Variants in KIAA0825 observed in about 807,000 individuals in gnomAD.
KIAA0825 encodes the protein KIAA0825, also known as uncharacterized protein KIAA0825.
Under a neutral mutation model 147.6 loss-of-function variants are expected in KIAA0825, and 119 were observed. That is an observed-to-expected ratio of 0.81 (90% CI 0.69 to 0.94). The LOEUF is 0.94. KIAA0825 is among the 40% of genes least tolerant of loss of function. The pLI is 0.00. For synonymous variants in KIAA0825, 470 were observed against 518.1 expected, an observed-to-expected ratio of 0.91 and a Z score of 1.26; for missense variants, 1,381 against 1,472.7, an observed-to-expected ratio of 0.94 and a Z score of 1.02.
chr5:94,441,551 T>C (rs1252921488), intron 13 of KIAA0825, among the ~76,000 whole-genome samples: 1 of 152,098 alleles, frequency 6.6e-6, no homozygotes, highest in African/African-American at 2.4e-5. Context: ...GAGAGATAAC[T>C]GGGTTCATGA....
At chr5:94,303,444 C>G (rs1460462029) in intron 20 of KIAA0825, among the ~76,000 whole-genome samples, 1 of 151,884 alleles carries the variant, frequency 6.6e-6, no homozygotes, top group Non-Finnish European at 1.5e-5. Context: ...AAAAAATAAA[C>G]AAATTGCTAG....
At chr5:94,607,407 G>T (rs1041986907) in intron 1 of KIAA0825, among the ~76,000 whole-genome samples, 1 of 151,942 alleles carries the variant, frequency 6.6e-6, no homozygotes, top group Non-Finnish European at 1.5e-5. Context: ...TGGATCACCT[G>T]AGGTCAGGAG....
At chr5:94,528,153 A>C (rs1019183464) in intron 3 of KIAA0825, among the ~76,000 whole-genome samples, 5 of 152,186 alleles carry the variant, frequency 3.3e-5, no homozygotes, top group African/African-American at 4.8e-5. Context: ...TCAGGAAAAA[A>C]CACCCTTGAC....
chr5:94,185,409 A>AT (rs1770032472), intron 20 of KIAA0825, among the ~76,000 whole-genome samples: 1 of 152,218 alleles, frequency 6.6e-6, no homozygotes. Context: ...ATATGCATTG[A>AT]TTTAAGTGCT....
At chr5:94,196,182 T>A (rs1461547800) in intron 20 of KIAA0825, among the ~76,000 whole-genome samples, 1 of 152,166 alleles carries the variant, frequency 6.6e-6, no homozygotes, top group African/African-American at 2.4e-5. Flanking sequence ...GAATGAAGCT[T>A]CACTTGCCCA....
At chr5:94,422,153 A>T (rs1002932422) in intron 14 of KIAA0825, among the ~76,000 whole-genome samples, 2 of 152,184 alleles carry the variant, frequency 1.3e-5, no homozygotes, top group Non-Finnish European at 2.9e-5. Context: ...CAGAAGCAGG[A>T]AGGTCTCTTT....
chr5:94,363,739 G>A (rs543189138), intron 20 of KIAA0825, among the ~76,000 whole-genome samples: 116 of 151,914 alleles, frequency 7.6e-4, no homozygotes, highest in Non-Finnish European at 1.5e-3. Context: ...ATGGTGGCTC[G>A]TGCCTGTAGT....
At chr5:94,451,257 C>G (rs1351713536) in intron 13 of KIAA0825, among the ~76,000 whole-genome samples, 1 of 152,106 alleles carries the variant, frequency 6.6e-6, no homozygotes. Context: ...GTCTATTATG[C>G]CACTATTCCA....
intron 14 of KIAA0825, among the ~76,000 whole-genome samples, chr5:94,430,391 T>C (rs969671867): frequency 1.5e-4 from 23 of 152,154 alleles, no homozygotes; most frequent in African/African-American, 5.5e-4. Flanking sequence ...ATATTACTTC[T>C]TATTTCAAAA....
intron 20 of KIAA0825, among the ~76,000 whole-genome samples, chr5:94,225,202 T>C (rs1774050956): frequency 6.6e-6 from 1 of 152,102 alleles, no homozygotes; most frequent in Admixed American, 6.5e-5. Flanking sequence ...ACACAAGGAG[T>C]TCCATTACAT....
chr5:94,406,697 G>A (rs578017138), intron 15 of KIAA0825, among the ~76,000 whole-genome samples: 1 of 152,322 alleles, frequency 6.6e-6, no homozygotes, highest in African/African-American at 2.4e-5. Flanking sequence ...AAAACAGTGA[G>A]CTTTGTGGCA....
At chr5:94,599,331 G>GTTTTTTT (rs57220290) in intron 1 of KIAA0825, among the ~76,000 whole-genome samples, 17 of 98,506 alleles carry the variant, frequency 1.7e-4, no homozygotes, top group African/African-American at 2.5e-4. Context: ...GATTATTTGG[G>GTTTTTTT]TTTTTTTTTT....
chr5:94,570,959 G>A (rs906958494), intron 2 of KIAA0825, among the ~76,000 whole-genome samples: 2 of 152,230 alleles, frequency 1.3e-5, no homozygotes, highest in East Asian at 1.9e-4. Flanking sequence ...TTCAACTTCA[G>A]TCTAATCATG....
At chr5:94,163,994 G>T (rs1307439031) in intron 20 of KIAA0825, among the ~76,000 whole-genome samples, 1 of 152,150 alleles carries the variant, frequency 6.6e-6, no homozygotes, top group African/African-American at 2.4e-5. Flanking sequence ...CTTATGTTTT[G>T]AGAGATCAAC....
At position 94,524,090 on chromosome 5, in the gene KIAA0825, T is replaced by C; in HGVS notation, c.140A>G (p.His47Arg). 2 of 1,597,142 alleles carry C rather than the reference T, an allele frequency of 1.3e-6. No homozygotes were observed. Among genetic ancestry groups the C allele is most frequent in the Non-Finnish European group, 1.7e-6 (2 of 1,172,178 alleles). The change falls in exon 4 of 21, where the codon CAT (histidine) becomes CGT (arginine). Residue 47 changes from histidine to arginine, a missense_variant. His to Arg is a conservative substitution (Grantham distance 29, BLOSUM62 0). Transcript: ENST00000682413. ...KIEQNAASIK[H>R]CIKEIQSEIN... ...TTCGGACTGTATCTCTTTAATGCAA[T>C]GTTTTATGCTATAAAAAACAGAAGA...
intron 5 of KIAA0825, among the ~76,000 whole-genome samples, chr5:94,502,054 T>C (rs943495501): frequency 6.6e-6 from 1 of 152,184 alleles, no homozygotes; most frequent in Non-Finnish European, 1.5e-5. Flanking sequence ...AGAATGTACA[T>C]GTACAGTATG....
At chr5:94,557,809 G>A (rs1470633083) in intron 2 of KIAA0825, among the ~76,000 whole-genome samples, 1 of 152,160 alleles carries the variant, frequency 6.6e-6, no homozygotes, top group African/African-American at 2.4e-5. Flanking sequence ...TTGTATAGGA[G>A]CTCTGTTTTC....
intron 1 of KIAA0825, among the ~76,000 whole-genome samples, chr5:94,584,913 AC>A (rs1394654028): frequency 6.6e-6 from 1 of 152,208 alleles, no homozygotes; most frequent in Non-Finnish European, 1.5e-5. Flanking sequence ...ATAATTTTCA[AC>A]CCAGAATTTC....
intron 20 of KIAA0825, among the ~76,000 whole-genome samples, chr5:94,312,462 C>T (rs1393143499): frequency 6.6e-6 from 1 of 151,594 alleles, no homozygotes; most frequent in Non-Finnish European, 1.5e-5. Flanking sequence ...AAATGATGGA[C>T]CCTAATGGCT....
Sources: gnomAD v4.1 joint callset for allele counts (sites outside exome capture counted in the v4.1 genomes callset) on GRCh38, gnomAD v4.1.1 for gene constraint, MANE v1.5 for transcripts, NCBI Gene and HGNC (gene_info 2026-07-23, HGNC 2026-07-21) for gene names.